EFNA5: variants seen among roughly 807,000 people sequenced by gnomAD.
EFNA5 encodes the protein ephrin-A5.
Under a neutral mutation model 22.9 loss-of-function variants are expected in EFNA5, and 5 were observed. The ratio of observed to expected loss-of-function variants is 0.22; its 90% CI spans 0.11 to 0.46. EFNA5 has a LOEUF of 0.46. Ranked by LOEUF, EFNA5 falls within the 20% of genes least tolerant of loss-of-function variation. The probability of loss-of-function intolerance (pLI) is 0.99; values close to 1 mark genes in which losing one functional copy is unlikely to be tolerated. For missense variants in EFNA5, 237 were observed against 293.3 expected, an observed-to-expected ratio of 0.81 and a Z score of 1.40; for synonymous variants, 113 against 112.2, an observed-to-expected ratio of 1.01 and a Z score of -0.04.
At chr5:107,459,937 C>T (rs951633631) in intron 1 of EFNA5, among the ~76,000 whole-genome samples, 3 of 152,150 alleles carry the variant, frequency 2.0e-5, no homozygotes, top group African/African-American at 7.2e-5. Flanking sequence ...TGGCCATCAC[C>T]ACTTCATCTC....
At chr5:107,476,735 T>TTCTCTCTCTC (rs34563371) in intron 1 of EFNA5, among the ~76,000 whole-genome samples, 3,046 of 148,206 alleles carry the variant, frequency 0.021, 45 homozygotes, top group East Asian at 0.067. Flanking sequence ...TTTTTTCTCT[T>TTCTCTCTCTC]TCTCTCTCTC....
At chr5:107,648,339 C>CTAA (rs1750666681) in intron 1 of EFNA5, among the ~76,000 whole-genome samples, 2 of 152,086 alleles carry the variant, frequency 1.3e-5, no homozygotes, top group Non-Finnish European at 2.9e-5. Context: ...ATTTATGTAA[C>CTAA]TAAAATACTT....
intron 1 of EFNA5, among the ~76,000 whole-genome samples, chr5:107,446,852 C>T (rs913190271): frequency 1.1e-4 from 16 of 152,194 alleles, no homozygotes; most frequent in African/African-American, 3.9e-4. Context: ...AAATCTCAGT[C>T]ACCTTCTGGA....
chr5:107,553,028 C>A (rs1748332025), intron 1 of EFNA5, among the ~76,000 whole-genome samples: 2 of 152,088 alleles, frequency 1.3e-5, no homozygotes. Context: ...TATTATAGCC[C>A]TCCTCTAAGG....
chr5:107,638,870 T>G (rs1750442632), intron 1 of EFNA5, among the ~76,000 whole-genome samples: 1 of 152,134 alleles, frequency 6.6e-6, no homozygotes, highest in Non-Finnish European at 1.5e-5. Flanking sequence ...GTATGTGAAC[T>G]AATGCATATG....
intron 1 of EFNA5, among the ~76,000 whole-genome samples, chr5:107,464,594 T>C (rs1749926732): frequency 6.6e-6 from 1 of 152,192 alleles, no homozygotes; most frequent in African/African-American, 2.4e-5. Flanking sequence ...TTTCATTTCC[T>C]GCCTGAGCTT....
chr5:107,643,348 T>A (rs995008086), intron 1 of EFNA5, among the ~76,000 whole-genome samples: 6 of 152,158 alleles, frequency 3.9e-5, no homozygotes, highest in African/African-American at 1.4e-4. Flanking sequence ...TTGTGGGTTG[T>A]GAGTCAAGTG....
chr5:107,565,537 T>A (rs1431712893), intron 1 of EFNA5, among the ~76,000 whole-genome samples: 1 of 152,204 alleles, frequency 6.6e-6, no homozygotes, highest in Non-Finnish European at 1.5e-5. Flanking sequence ...TCAATCACAT[T>A]ACTATGCTCC....
At chr5:107,636,144 A>C (rs1314526849) in intron 1 of EFNA5, among the ~76,000 whole-genome samples, 3 of 152,200 alleles carry the variant, frequency 2.0e-5, no homozygotes, top group Non-Finnish European at 4.4e-5. Context: ...CTACCATGAA[A>C]ACATATTTTA....
At chr5:107,461,862 T>A (rs1450810678) in intron 1 of EFNA5, among the ~76,000 whole-genome samples, 3 of 152,128 alleles carry the variant, frequency 2.0e-5, no homozygotes, top group Non-Finnish European at 4.4e-5. Context: ...TCTAGGGATA[T>A]CTCTGGAATC....
intron 1 of EFNA5, among the ~76,000 whole-genome samples, chr5:107,490,959 A>G (rs562470984): frequency 1.4e-4 from 21 of 152,346 alleles, no homozygotes; most frequent in Admixed American, 9.8e-4. Context: ...ACTTTCAATC[A>G]TCTTCAAACT....
intron 1 of EFNA5, among the ~76,000 whole-genome samples, chr5:107,429,715 T>A (rs1196429293): frequency 6.6e-6 from 1 of 152,140 alleles, no homozygotes; most frequent in Non-Finnish European, 1.5e-5. Context: ...AAGCCTTAGA[T>A]AAGGAAATGT....
chr5:107,542,060 T>C (rs939910745), intron 1 of EFNA5, among the ~76,000 whole-genome samples: 8 of 152,122 alleles, frequency 5.3e-5, no homozygotes, highest in African/African-American at 1.9e-4. Context: ...CCAAAACAAA[T>C]CACGACATTT....
At chr5:107,490,941 AC>A in intron 1 of EFNA5, among the ~76,000 whole-genome samples, 1 of 152,176 alleles carries the variant, frequency 6.6e-6, no homozygotes, top group Middle Eastern at 3.4e-3. Flanking sequence ...GGTTTCATTA[AC>A]TCTTTTACTT....
intron 1 of EFNA5, among the ~76,000 whole-genome samples, chr5:107,436,749 G>C (rs957404367): frequency 1.3e-5 from 2 of 152,050 alleles, no homozygotes; most frequent in African/African-American, 4.8e-5. Flanking sequence ...CACTGTCCAA[G>C]GAGAACAGGA....
At chr5:107,467,862 A>C (rs1236035410) in intron 1 of EFNA5, among the ~76,000 whole-genome samples, 3 of 152,212 alleles carry the variant, frequency 2.0e-5, no homozygotes, top group Admixed American at 6.5e-5. Context: ...CAGCAAATCA[A>C]AAATCATCAG....
At position 107,392,152 on chromosome 5, in the gene EFNA5, A is replaced by C. The variant is rs115708859; in HGVS notation, c.419-4381T>G. Among the ~76,000 whole-genome samples, 335 of 152,314 alleles carry C rather than the reference A, an allele frequency of 2.2e-3. 1 individual carries two copies. Among genetic ancestry groups the C allele is most frequent in the Non-Finnish European group, 3.9e-3 (264 of 68,024 alleles). On this transcript the variant is annotated intron_variant, in intron 2 of 4. Coordinates refer to ENST00000333274, the MANE Select transcript of EFNA5 (RefSeq NM_001962.3). ...AGAACACATCCCTTCGGGTACTGCCATCATGCTTGTGGCGGGCAGCTTCTG... is the reference window on the plus strand; with the variant it reads ...AGAACACATCCCTTCGGGTACTGCCCTCATGCTTGTGGCGGGCAGCTTCTG...
chr5:107,462,503 C>T (rs1304482771), intron 1 of EFNA5, among the ~76,000 whole-genome samples: 1 of 152,114 alleles, frequency 6.6e-6, no homozygotes, highest in Admixed American at 6.6e-5. Context: ...TGGGTCCACA[C>T]TATGAGTTAG....
chr5:107,426,009 G>A (rs1481002000), intron 2 of EFNA5, among the ~76,000 whole-genome samples: 1 of 152,158 alleles, frequency 6.6e-6, no homozygotes, highest in Admixed American at 6.5e-5. Flanking sequence ...CCAAGCAGGT[G>A]AGGCACAACT....
Sources: gnomAD v4.1 joint callset for allele counts (sites outside exome capture counted in the v4.1 genomes callset) on GRCh38, gnomAD v4.1.1 for gene constraint, MANE v1.5 for transcripts, NCBI Gene and HGNC (gene_info 2026-07-23, HGNC 2026-07-21) for gene names.